The following CACNA1C variants were observed in gnomAD, a reference collection of about 807,000 sequenced individuals.
The protein encoded by CACNA1C is calcium voltage-gated channel subunit alpha1 C.
CACNA1C carries 30 observed loss-of-function variants against 229.0 expected under a neutral mutation model. That is an observed-to-expected ratio of 0.13 (90% CI 0.10 to 0.18). The LOEUF (loss-of-function observed/expected upper bound fraction) is 0.18. Among genes scored for constraint, CACNA1C ranks in the 10% least tolerant of loss-of-function variants. The probability of loss-of-function intolerance (pLI) is 1.00; values close to 1 mark genes in which losing one functional copy is unlikely to be tolerated. For missense variants in CACNA1C, 1,658 were observed against 2,845.0 expected, an observed-to-expected ratio of 0.58 and a Z score of 9.49; for synonymous variants, 1,114 against 1,132.5, an observed-to-expected ratio of 0.98 and a Z score of 0.33.
At chr12:2,448,160 C>T (rs921845521) in intron 3 of CACNA1C, among the ~76,000 whole-genome samples, 16 of 152,278 alleles carry the variant, frequency 1.1e-4, no homozygotes, top group South Asian at 2.1e-4. Flanking sequence ...TTGTCCTGTT[C>T]GCTCTGGGCT....
Position 2,634,231 on chromosome 12 carries a change from T to G in CACNA1C, c.3829-66T>G, listed in dbSNP as rs982115371. ...TTTTTTCATTTTTCCTCTTCCCTTT[T>G]GTTTTGTTTTGTCCTTTCTTGTTGG... On this transcript the variant is annotated intron_variant, in intron 29 of 46. Coordinates refer to ENST00000399655, the MANE Select transcript of CACNA1C (RefSeq NM_000719.7). The G allele has an allele frequency of 1.8e-5, 11 of 617,360 alleles. No homozygotes were observed. In the African/African-American group the frequency reaches 1.9e-4, roughly 11 times the overall value. 38.2% of individuals were successfully genotyped at this position (617,360 alleles called of 1,614,324 possible). A position where few individuals can be genotyped will look rare whatever the true frequency, so the allele number is the denominator to read the frequency against.
chr12:2,318,546 G>A (rs1159451524), intron 3 of CACNA1C, among the ~76,000 whole-genome samples: 1 of 152,242 alleles, frequency 6.6e-6, no homozygotes. Flanking sequence ...CTACGCTTCT[G>A]TAAGCATATG....
intron 7 of CACNA1C, among the ~76,000 whole-genome samples, chr12:2,502,732 G>A (rs564362342): frequency 1.3e-5 from 2 of 152,180 alleles, no homozygotes; most frequent in East Asian, 1.9e-4. Flanking sequence ...TTTTATTCCC[G>A]GCATGCAGAG....
At chr12:2,311,296 T>G (rs2095425275) in intron 3 of CACNA1C, among the ~76,000 whole-genome samples, 1 of 152,212 alleles carries the variant, frequency 6.6e-6, no homozygotes, top group Admixed American at 6.5e-5. Context: ...GGCTGCATAC[T>G]TCTGACATGA....
intron 3 of CACNA1C, among the ~76,000 whole-genome samples, chr12:2,430,304 T>G (rs911013086): frequency 2.0e-5 from 3 of 152,190 alleles, no homozygotes; most frequent in Non-Finnish European, 2.9e-5. Context: ...ATCTTAACTT[T>G]CCACAGATCT....
intron 3 of CACNA1C, among the ~76,000 whole-genome samples, chr12:2,257,123 G>T (rs2078237011): frequency 6.6e-6 from 1 of 152,134 alleles, no homozygotes; most frequent in Admixed American, 6.5e-5. Context: ...CCAGCACTCA[G>T]ACAGTCACAG....
At chr12:2,664,361 G>A (rs2095953919) in intron 34 of CACNA1C, among the ~76,000 whole-genome samples, 1 of 152,154 alleles carries the variant, frequency 6.6e-6, no homozygotes, top group African/African-American at 2.4e-5. Flanking sequence ...AGTTTAACTG[G>A]CAATTCCACT....
In CACNA1C at chr12:2,633,758, C is replaced by T. The variant is rs778967665; in HGVS notation, c.3829-539C>T. 2 of 987,768 alleles carry T rather than the reference C, an allele frequency of 2.0e-6. No homozygotes were observed. Among genetic ancestry groups the T allele is most frequent in the South Asian group, 1.3e-5 (1 of 76,806 alleles). 61.2% of individuals were successfully genotyped at this position (987,768 alleles called of 1,614,324 possible). On this transcript the variant is annotated intron_variant, in intron 29 of 46. Coordinates refer to ENST00000399655, the MANE Select transcript of CACNA1C (RefSeq NM_000719.7). The surrounding 1 kb of genome is among the most constrained non-coding windows in gnomAD (Gnocchi z 5.8). The stretch of plus-strand genomic sequence containing the variant: ...CCCAGGAAACCTCCTCATTCCTCCT[C>T]CTCTGCCTCGTCTATTTCTCTCTCT...
At chr12:2,441,533 C>A (rs1251693568) in intron 3 of CACNA1C, among the ~76,000 whole-genome samples, 1 of 152,178 alleles carries the variant, frequency 6.6e-6, no homozygotes, top group Non-Finnish European at 1.5e-5. Context: ...CTCTTTATTC[C>A]GTCCCATGTC....
intron 3 of CACNA1C, among the ~76,000 whole-genome samples, chr12:2,230,573 G>A (rs1359641773): frequency 1.3e-5 from 2 of 152,200 alleles, no homozygotes; most frequent in Admixed American, 6.5e-5. Context: ...ACCCTCGACG[G>A]CCTCAGTAGC....
Position 2,632,689 on chromosome 12 carries a change from C to G in CACNA1C, c.3829-1608C>G, listed in dbSNP as rs2091049013. ...CTGTCTTCATCCCCTTCTAGGCAGC[C>G]AGCCTCCCCCAACCTACCAGCCTAT... On this transcript the variant is annotated intron_variant, in intron 29 of 46. Coordinates refer to ENST00000399655, the MANE Select transcript of CACNA1C (RefSeq NM_000719.7). The surrounding 1 kb of genome is among the most constrained non-coding windows in gnomAD (Gnocchi z 4.1). Among the ~76,000 whole-genome samples, 1 of 152,184 alleles carries G rather than the reference C, an allele frequency of 6.6e-6. No individual in the cohort carries two copies. The highest frequency in any genetic ancestry group is 2.4e-5 in the African/African-American group (1 of 41,428).
At chr12:2,499,287 G>A (rs1030575763) in intron 7 of CACNA1C, among the ~76,000 whole-genome samples, 1 of 152,168 alleles carries the variant, frequency 6.6e-6, no homozygotes, top group Non-Finnish European at 1.5e-5. Context: ...AAGCACCGTG[G>A]CTTTCACAGA....
At position 2,593,091 on chromosome 12, in the gene CACNA1C, G is replaced by A. The variant is rs561028763; in HGVS notation, c.2531-122G>A. 7 of 1,097,294 alleles carry A rather than the reference G, an allele frequency of 6.4e-6. No individual in the cohort carries two copies. In the South Asian group the frequency reaches 9.8e-5, roughly 15 times the overall value. 68.0% of individuals were successfully genotyped at this position (1,097,294 alleles called of 1,614,324 possible). A position where few individuals can be genotyped will look rare whatever the true frequency, so the allele number is the denominator to read the frequency against. On this transcript the variant is annotated intron_variant, in intron 18 of 46. Transcript: ENST00000399655. ...CCCACAGGGAGACAGCAGAATGTCT[G>A]TCTTGGTTGGTACCCTACATTTTCA... is the stretch of plus-strand genomic sequence containing the variant.
At position 2,647,534 on chromosome 12, in the gene CACNA1C, G is replaced by A. The variant is rs2094481677; in HGVS notation, c.3913-941G>A. Among the ~76,000 whole-genome samples the A allele has an allele frequency of 6.6e-6, 1 of 152,156 alleles. No individual in the cohort carries two copies. Among genetic ancestry groups the A allele is most frequent in the Non-Finnish European group, 1.5e-5 (1 of 68,040 alleles). ...TATTTCATGCCAACGGTCAGGGCTCGCCGCACCTATAGACCAACAGCTAAG... is the reference window on the plus strand; with the variant it reads ...TATTTCATGCCAACGGTCAGGGCTCACCGCACCTATAGACCAACAGCTAAG... On this transcript the variant is annotated intron_variant, in intron 30 of 46. Transcript: ENST00000399655. This position sits in a 1 kb window ranked among gnomAD's most constrained non-coding sequence, Gnocchi z 4.2.
chr12:2,002,032 A>G (rs1039520471), intron 1 of CACNA1C, among the ~76,000 whole-genome samples: 1 of 152,254 alleles, frequency 6.6e-6, no homozygotes, highest in Non-Finnish European at 1.5e-5. Flanking sequence ...TCCTGGCAAC[A>G]GGGAGTAGGT....
At chr12:2,547,450 G>A in intron 9 of CACNA1C, 1 of 779,706 alleles carries the variant, frequency 1.3e-6, no homozygotes, top group South Asian at 1.3e-5. Context: ...TCTGTGAAAG[G>A]AGGCACTCCG....
At position 2,004,356 on chromosome 12, in the gene CACNA1C, G is replaced by C. The variant is rs2042926128; in HGVS notation, c.139+33155G>C. ...ACGTCCACGATGCGGTTGATATAGG[G>C]GTCGTGGCGCTGCAGGGCCGCTAGG... On this transcript the variant is annotated intron_variant, in intron 1 of 46. Coordinates refer to the CACNA1C transcript ENST00000682462. The C allele has an allele frequency of 4.3e-6, 7 of 1,613,294 alleles. No individual in the cohort carries two copies. The South Asian group carries it at 7.7e-5, about 18-fold the overall frequency.
intron 7 of CACNA1C, among the ~76,000 whole-genome samples, chr12:2,502,846 G>A (rs1407931926): frequency 2.0e-5 from 3 of 152,186 alleles, no homozygotes; most frequent in African/African-American, 4.8e-5. Context: ...CTCCTTTGAG[G>A]CCCCTGGGTG....
rs554243551 is a variant in CACNA1C, at chr12:2,112,375, G to A, written c.50-2849G>A. On this transcript the variant is annotated intron_variant, in intron 1 of 46. Transcript: ENST00000399655. ...GGGATCTACACAGTGAGTGCAGGGA[G>A]GACAGGGACGAGTTACAGGAGAGAT... 7.9e-5 allele frequency among the ~76,000 whole-genome samples: 12 copies of A among 152,336 alleles called. No individual in the cohort carries two copies. The East Asian group carries it at 1.2e-3, about 15-fold the overall frequency.
Sources: gnomAD v4.1 joint callset for allele counts (sites outside exome capture counted in the v4.1 genomes callset) on GRCh38, gnomAD v4.1.1 for gene constraint, Gnocchi (gnomAD v3.1) non-coding constraint, MANE v1.5 for transcripts, NCBI Gene and HGNC (gene_info 2026-07-23, HGNC 2026-07-21) for gene names.